Variants in CRX observed in about 807,000 individuals in gnomAD.
CRX encodes the protein cone-rod homeobox protein.
CRX carries 5 observed loss-of-function variants against 13.1 expected under a neutral mutation model. That is an observed-to-expected ratio of 0.38 (90% CI 0.20 to 0.80). The LOEUF (loss-of-function observed/expected upper bound fraction) is 0.80. Ranked by LOEUF, CRX falls within the 30% of genes least tolerant of loss-of-function variation. The pLI, the probability that CRX is intolerant of heterozygous loss-of-function variation, is 0.43. For synonymous variants in CRX, 179 were observed against 171.1 expected, an observed-to-expected ratio of 1.05 and a Z score of -0.36; for missense variants, 351 against 391.8, an observed-to-expected ratio of 0.90 and a Z score of 0.88.
Position 47,839,212 on chromosome 19 carries a change from G to A in CRX, c.253-108G>A, listed in dbSNP as rs141020203. The A allele has an allele frequency of 1.0e-4, 124 of 1,229,594 alleles. No individual in the cohort carries two copies. In the East Asian group the frequency reaches 2.9e-3, roughly 29 times the overall value. The allele number at this position is 1,229,594 out of a possible 1,614,324, so 76.2% of individuals were successfully genotyped here. ...ACAGCTGGATGCAAAGTAGACAGAT[G>A]TGAACCCAGCACCTCTCACCAATAA... On this transcript the variant is annotated intron_variant, in intron 3 of 3. Transcript: ENST00000221996. The surrounding 1 kb of genome is among the most constrained non-coding windows in gnomAD (Gnocchi z 4.6).
chr19:47,838,443 G>A (rs1165931716), intron 3 of CRX, among the ~76,000 whole-genome samples: 3 of 152,104 alleles, frequency 2.0e-5, no homozygotes, highest in Non-Finnish European at 2.9e-5. Flanking sequence ...TGATGTATGT[G>A]TGTACAATGT....
chr19:47,822,281 G>T (rs4802394), intron 1 of CRX, among the ~76,000 whole-genome samples: 52,690 of 152,032 alleles, frequency 0.35, 10,917 homozygotes, highest in East Asian at 0.79. Context: ...GGGCAAGGGG[G>T]TCCCCTCAAG....
rs748748807 is a variant in CRX, at chr19:47,839,814, C to A, written c.747C>A (p.Ser249=). 1 of 1,614,152 alleles carries A rather than the reference C, an allele frequency of 6.2e-7. No homozygotes were observed. The highest frequency in any genetic ancestry group is 1.3e-5 in the African/African-American group (1 of 75,030). ...GPSVGPSLAQ[S]PTSLSGQSYG... is the part of the protein sequence containing the mutation. The stretch of plus-strand genomic sequence containing the variant: ...CCGTGGGACCTTCCCTGGCCCAGTC[C>A]CCCACCTCCCTATCAGGCCAGAGCT... Residue 249 remains serine (S), a synonymous_variant, in exon 4 of 4, where the codon TCC becomes TCA. Transcript: ENST00000221996. This position sits in a 1 kb window ranked among gnomAD's most constrained non-coding sequence, Gnocchi z 4.6.
rs1968168012 is a variant in CRX, at chr19:47,839,628, C to T, written c.561C>T (p.Thr187=). 3 of 1,613,212 alleles carry T rather than the reference C, an allele frequency of 1.9e-6. No homozygotes were observed. The highest frequency in any genetic ancestry group is 2.5e-6 in the Non-Finnish European group (3 of 1,179,928). ...AGLVASGPSL[T]SAPYAMTYAP... Reference sequence around the variant, plus strand: ...TGGTGGCCTCAGGGCCGTCTCTGACCTCCGCCCCCTATGCCATGACCTACG... The same window carrying T: ...TGGTGGCCTCAGGGCCGTCTCTGACTTCCGCCCCCTATGCCATGACCTACG... Residue 187 remains threonine (T), a synonymous_variant, in exon 4 of 4, where the codon ACC becomes ACT. Coordinates refer to ENST00000221996, the MANE Select transcript of CRX (RefSeq NM_000554.6). The surrounding 1 kb of genome is among the most constrained non-coding windows in gnomAD (Gnocchi z 4.6).
At position 47,822,747 on chromosome 19, in the gene CRX, CTT is replaced by C. The variant is rs1967927559; in HGVS notation, c.-36+738_-36+739del. Among the ~76,000 whole-genome samples, 3 of 152,210 alleles carry C rather than the reference CTT, an allele frequency of 2.0e-5. No homozygotes were observed. In the South Asian group the frequency reaches 6.2e-4, roughly 31 times the overall value. ...TGGGGAATCCTCACGCCCCCGCCCT[CTT>C]AGCTTCCAGCACAGTCACTCTCTCT... On this transcript the variant is annotated intron_variant, in intron 1 of 3. Coordinates refer to ENST00000221996, the MANE Select transcript of CRX (RefSeq NM_000554.6).
chr19:47,835,254 C>T (rs1187990886), intron 2 of CRX, among the ~76,000 whole-genome samples: 1 of 151,012 alleles, frequency 6.6e-6, no homozygotes, highest in Non-Finnish European at 1.5e-5. Context: ...GATTGGGTCT[C>T]CCTATGTTGC....
At chr19:47,826,661 C>T (rs915621792) in intron 1 of CRX, among the ~76,000 whole-genome samples, 2 of 152,172 alleles carry the variant, frequency 1.3e-5, no homozygotes, top group Non-Finnish European at 2.9e-5. Context: ...CTCTACCTCC[C>T]AAGGTTGTGC....
At position 47,839,724 on chromosome 19, in the gene CRX, C is replaced by T; in HGVS notation, c.657C>T (p.Asp219=). Residue 219 remains aspartate, a synonymous_variant, in exon 4 of 4, where the codon GAC becomes GAT. Coordinates refer to ENST00000221996, the MANE Select transcript of CRX (RefSeq NM_000554.6). This position sits in a 1 kb window ranked among gnomAD's most constrained non-coding sequence, Gnocchi z 4.6. ...GSPSSYFSGL[D]PYLSPMVPQL... Reference sequence around the variant, plus strand: ...CGAGCTCCTATTTCAGCGGCCTAGACCCCTACCTTTCTCCCATGGTGCCCC... The same window carrying T: ...CGAGCTCCTATTTCAGCGGCCTAGATCCCTACCTTTCTCCCATGGTGCCCC... The T allele has an allele frequency of 6.2e-7, 1 of 1,614,076 alleles. No homozygotes were observed. Among genetic ancestry groups the T allele is most frequent in the South Asian group, 1.1e-5 (1 of 91,080 alleles).
intron 1 of CRX, among the ~76,000 whole-genome samples, chr19:47,825,354 G>A (rs1967962858): frequency 6.6e-6 from 1 of 152,064 alleles, no homozygotes; most frequent in Non-Finnish European, 1.5e-5. Flanking sequence ...TCCAACTCCT[G>A]GGCTCAAGCG....
chr19:47,828,936 AC>A (rs1968010804), intron 1 of CRX, among the ~76,000 whole-genome samples: 3 of 142,716 alleles, frequency 2.1e-5, no homozygotes, highest in African/African-American at 7.9e-5. Flanking sequence ...ACACACACAC[AC>A]ACACAATTAA....
Position 47,839,067 on chromosome 19 carries a change from G to A in CRX, c.253-253G>A, listed in dbSNP as rs1021099420. Among the ~76,000 whole-genome samples, 1 of 152,198 alleles carries A rather than the reference G, an allele frequency of 6.6e-6. No homozygotes were observed. Among genetic ancestry groups the A allele is most frequent in the East Asian group, 1.9e-4 (1 of 5,178 alleles). On this transcript the variant is annotated intron_variant, in intron 3 of 3. Coordinates refer to ENST00000221996, the MANE Select transcript of CRX (RefSeq NM_000554.6). This position sits in a 1 kb window ranked among gnomAD's most constrained non-coding sequence, Gnocchi z 4.6. ...GGTGTATGCATGTATAATTGTACGT[G>A]TGCATGTTTGCATTAGACGGATGGG...
chr19:47,823,649 G>GTTTTTTT (rs58548004), intron 1 of CRX, among the ~76,000 whole-genome samples: 2 of 129,572 alleles, frequency 1.5e-5, no homozygotes, highest in African/African-American at 6.1e-5. Context: ...CATGAGTCTG[G>GTTTTTTT]TTTTTTTTTT....
rs11666203 is a variant in CRX at position 47,842,684 on chromosome 19, G to C, written c.*2717G>C. 1 of 152,084 alleles carries C rather than the reference G, an allele frequency of 6.6e-6. No individual in the cohort carries two copies. Among genetic ancestry groups the C allele is most frequent in the African/African-American group, 2.4e-5 (1 of 41,370 alleles). The allele number at this position is 152,084 out of a possible 1,614,324, so 9.4% of individuals were successfully genotyped here. A position where few individuals can be genotyped will look rare whatever the true frequency, so the allele number is the denominator to read the frequency against. On this transcript the variant is annotated 3_prime_UTR_variant, in exon 4 of 4. Coordinates refer to ENST00000221996, the MANE Select transcript of CRX (RefSeq NM_000554.6). ...CAACATATGTCACTGGGGAGGCTGG[G>C]GGAGCTAGACAAAATTCACACGGGA... is the stretch of plus-strand genomic sequence containing the variant.
chr19:47,835,564 CT>C (rs1968107374), intron 2 of CRX, among the ~76,000 whole-genome samples: 1 of 145,278 alleles, frequency 6.9e-6, no homozygotes, highest in African/African-American at 2.6e-5. Flanking sequence ...TTTGTAAAGC[CT>C]TATTTTTAAG....
intron 2 of CRX, among the ~76,000 whole-genome samples, chr19:47,835,543 C>A (rs537867730): frequency 6.6e-6 from 1 of 151,774 alleles, no homozygotes; most frequent in Non-Finnish European, 1.5e-5. Context: ...CACCACCATG[C>A]CCGGCCAATT....
rs2123746254 is a variant in CRX, at chr19:47,842,723, G to A, written c.*2756G>A. The A allele has an allele frequency of 6.6e-6, 1 of 152,348 alleles. No individual in the cohort carries two copies. The highest frequency in any genetic ancestry group is 1.9e-4 in the East Asian group (1 of 5,176). 9.4% of individuals were successfully genotyped at this position (152,348 alleles called of 1,614,324 possible). On this transcript the variant is annotated 3_prime_UTR_variant, in exon 4 of 4. Transcript: ENST00000221996. ...ATTCACACGGGAGGGGCAGGGATGA[G>A]ACAATATTGTGCCCTGGGTCTGTGC...
chr19:47,832,765 T>C (rs1048544115), intron 1 of CRX, among the ~76,000 whole-genome samples: 2 of 152,048 alleles, frequency 1.3e-5, no homozygotes, highest in East Asian at 3.9e-4. Context: ...GGATTACAGG[T>C]GTGAGCCACT....
chr19:47,838,000 T>A (rs1044067806), intron 3 of CRX, among the ~76,000 whole-genome samples: 9 of 152,162 alleles, frequency 5.9e-5, no homozygotes, highest in Non-Finnish European at 1.3e-4. Context: ...TATATGTGCA[T>A]ACACACGTGT....
At chr19:47,833,779 G>C (rs1031443387) in intron 1 of CRX, among the ~76,000 whole-genome samples, 1 of 148,836 alleles carries the variant, frequency 6.7e-6, no homozygotes, top group Non-Finnish European at 1.5e-5. Context: ...CCATGGTCAA[G>C]AAAGAAGGGA....
Sources: allele counts gnomAD v4.1 joint callset (sites outside exome capture counted in the v4.1 genomes callset), GRCh38; gene constraint gnomAD v4.1.1; non-coding constraint Gnocchi (gnomAD v3.1); transcripts MANE v1.5; gene names NCBI Gene and HGNC (gene_info 2026-07-23, HGNC 2026-07-21).